Variants in IGF1R observed in about 807,000 individuals in gnomAD.
IGF1R encodes insulin-like growth factor 1 receptor.
Under a neutral mutation model 144.6 loss-of-function variants are expected in IGF1R, and 44 were observed. The ratio of observed to expected loss-of-function variants is 0.30; its 90% CI spans 0.24 to 0.39. IGF1R has a LOEUF of 0.39. IGF1R is among the 10% of genes least tolerant of loss of function. The pLI, the probability that IGF1R is intolerant of heterozygous loss-of-function variation, is 1.00. For synonymous variants in IGF1R, 795 were observed against 722.8 expected (o/e 1.10, Z -1.60); for missense variants, 1,355 against 1,833.7 (o/e 0.74, Z 4.77).
At chr15:98,886,576 A>T (rs1304327017) in intron 2 of IGF1R, among the ~76,000 whole-genome samples, 3 of 152,110 alleles carry the variant, frequency 2.0e-5, no homozygotes, top group Admixed American at 6.5e-5. Context: ...AATCGCACTC[A>T]GTGTGTTTAT....
chr15:98,728,018 T>TTTG (rs1555436635), intron 2 of IGF1R, among the ~76,000 whole-genome samples: 2 of 150,636 alleles, frequency 1.3e-5, no homozygotes, highest in Non-Finnish European at 3.0e-5. Context: ...TTTTTTTTTT[T>TTTG]TTTTTTTTTT....
chr15:98,812,054 G>C (rs1408903713), intron 2 of IGF1R, among the ~76,000 whole-genome samples: 1 of 152,276 alleles, frequency 6.6e-6, no homozygotes, highest in African/African-American at 2.4e-5. Flanking sequence ...TTGTTTCAGA[G>C]TTTTAAGTCT....
intron 2 of IGF1R, among the ~76,000 whole-genome samples, chr15:98,741,744 GA>G (rs2054751360): frequency 6.6e-6 from 1 of 152,222 alleles, no homozygotes; most frequent in African/African-American, 2.4e-5. Flanking sequence ...TGTATGCAAA[GA>G]ATTGTCATGA....
chr15:98,718,380 G>A lies in IGF1R; in HGVS notation c.640+10273G>A, dbSNP rs1315010089. 3.3e-5 allele frequency among the ~76,000 whole-genome samples: 5 copies of A among 152,214 alleles called. 1 individual carries two copies. The East Asian group carries it at 7.7e-4, about 23-fold the overall frequency. ...GAGAAGCTGCACCCACTGCCCCAAC[G>A]TGTAGCTGCATCTGATTTGTTTTTG... On this transcript the variant is annotated intron_variant, in intron 2 of 20. Coordinates refer to ENST00000650285, the MANE Select transcript of IGF1R (RefSeq NM_000875.5).
chr15:98,706,851 CTA>C (rs1271394499), intron 1 of IGF1R, among the ~76,000 whole-genome samples: 9 of 148,366 alleles, frequency 6.1e-5, no homozygotes, highest in Non-Finnish European at 1.2e-4. Context: ...GTTATTACCT[CTA>C]AACTCTGTAG....
chr15:98,903,378 A>G (rs941560457), intron 5 of IGF1R, among the ~76,000 whole-genome samples: 1 of 152,246 alleles, frequency 6.6e-6, no homozygotes, highest in African/African-American at 2.4e-5. Flanking sequence ...AGGCATTTCT[A>G]TGCTTTTGTT....
intron 10 of IGF1R, among the ~76,000 whole-genome samples, chr15:98,921,097 C>T (rs1243154536): frequency 1.3e-5 from 2 of 152,192 alleles, no homozygotes; most frequent in African/African-American, 2.4e-5. Context: ...CATTTGCCCC[C>T]TGCCTTTTGC....
intron 2 of IGF1R, among the ~76,000 whole-genome samples, chr15:98,828,224 C>T (rs1440780048): frequency 1.3e-5 from 2 of 152,194 alleles, no homozygotes; most frequent in Non-Finnish European, 2.9e-5. Context: ...ACCCTAAATA[C>T]TCGGGCTAAA....
intron 20 of IGF1R, among the ~76,000 whole-genome samples, chr15:98,955,856 G>C (rs1308439678): frequency 1.3e-5 from 2 of 152,254 alleles, no homozygotes; most frequent in Non-Finnish European, 2.9e-5. Flanking sequence ...CCTAGATGTG[G>C]AGAGTTCTGT....
chr15:98,668,123 T>C (rs1175963124), intron 1 of IGF1R, among the ~76,000 whole-genome samples: 4 of 152,174 alleles, frequency 2.6e-5, no homozygotes, highest in Non-Finnish European at 4.4e-5. Flanking sequence ...ACAAATGTCA[T>C]GTGTCCTCAC....
At position 98,916,138 on chromosome 15, in the gene IGF1R, G is replaced by A. The variant is rs1422551636; in HGVS notation, c.1996+7G>A. ...CACAATTACTGCTCCAAAGGTAAGGGTGCAGCAGCGGCCTGGACGGAGGGT... is the reference window on the plus strand; with the variant it reads ...CACAATTACTGCTCCAAAGGTAAGGATGCAGCAGCGGCCTGGACGGAGGGT... On this transcript the variant is annotated splice_region_variant and intron_variant, in intron 9 of 20. Coordinates refer to ENST00000650285, the MANE Select transcript of IGF1R (RefSeq NM_000875.5). The A allele has an allele frequency of 2.5e-6, 4 of 1,614,126 alleles. No homozygotes were observed. Among genetic ancestry groups the A allele is most frequent in the Non-Finnish European group, 3.4e-6 (4 of 1,179,988 alleles).
chr15:98,960,372 C>G lies in IGF1R; in HGVS notation c.*2930C>G. 4.3e-6 allele frequency: 1 copy of G among 233,334 alleles called. No homozygotes were observed. The highest frequency in any genetic ancestry group is 8.5e-6 in the Non-Finnish European group (1 of 118,058). The allele number at this position is 233,334 out of a possible 1,614,324, so 14.5% of individuals were successfully genotyped here. On this transcript the variant is annotated 3_prime_UTR_variant, in exon 21 of 21. Transcript: ENST00000650285. ...CTCCTAGCCAGGTGGCCCTGTGAGG[C>G]CAACGAGGGCACCAGAGCACACCTG... is the stretch of plus-strand genomic sequence containing the variant.
At chr15:98,746,446 A>C (rs1049454642) in intron 2 of IGF1R, among the ~76,000 whole-genome samples, 4 of 152,164 alleles carry the variant, frequency 2.6e-5, no homozygotes, top group Non-Finnish European at 4.4e-5. Context: ...GTGTGAGTGC[A>C]TGCCTCCTGG....
chr15:98,712,685 T>G (rs1427933213), intron 2 of IGF1R, among the ~76,000 whole-genome samples: 1 of 151,788 alleles, frequency 6.6e-6, no homozygotes, highest in Non-Finnish European at 1.5e-5. Flanking sequence ...CTTGGCTCAT[T>G]GCAACCTCCG....
chr15:98,922,593 T>C (rs1470145831), intron 11 of IGF1R, among the ~76,000 whole-genome samples, 162 bp downstream of exon 11: 1 of 152,140 alleles, frequency 6.6e-6, no homozygotes, highest in African/African-American at 2.4e-5. Flanking sequence ...GTAGACCAGC[T>C]GCCCAGGGAA....
chr15:98,813,809 C>G (rs1299865109), intron 2 of IGF1R, among the ~76,000 whole-genome samples: 1 of 152,204 alleles, frequency 6.6e-6, no homozygotes, highest in Non-Finnish European at 1.5e-5. Flanking sequence ...GGAGAGGAGC[C>G]TGACTATCAA....
chr15:98,831,927 GTGGGT>G (rs1309708547), intron 2 of IGF1R, among the ~76,000 whole-genome samples: 4 of 152,114 alleles, frequency 2.6e-5, no homozygotes, highest in Admixed American at 6.5e-5. Flanking sequence ...TGGTTTCTAG[GTGGGT>G]AAGGGAACTT....
intron 2 of IGF1R, among the ~76,000 whole-genome samples, chr15:98,878,887 T>G (rs900777109): frequency 1.3e-5 from 2 of 151,744 alleles, no homozygotes; most frequent in Non-Finnish European, 2.9e-5. Context: ...TCCCAGCTAC[T>G]CGGGAAGCTG....
At chr15:98,688,667 T>A (rs912567586) in intron 1 of IGF1R, among the ~76,000 whole-genome samples, 7 of 151,590 alleles carry the variant, frequency 4.6e-5, no homozygotes, top group African/African-American at 1.2e-4. Context: ...TTTTTTTTTT[T>A]AAATCTGTAA....
Sources: allele counts gnomAD v4.1 joint callset (sites outside exome capture counted in the v4.1 genomes callset), GRCh38; gene constraint gnomAD v4.1.1; transcripts MANE v1.5; gene names NCBI Gene and HGNC (gene_info 2026-07-23, HGNC 2026-07-21).